The following ATRNL1 variants were observed in gnomAD, a reference collection of about 807,000 sequenced individuals.
ATRNL1 encodes the protein attractin like 1.
A neutral mutation model predicts 182.7 loss-of-function variants in ATRNL1; 95 were observed. The observed-to-expected ratio is 0.52, with a 90% CI of 0.44 to 0.62. The LOEUF (loss-of-function observed/expected upper bound fraction) is 0.62. Among genes scored for constraint, ATRNL1 ranks in the 20% least tolerant of loss-of-function variants. The probability of loss-of-function intolerance (pLI) is 0.00; values close to 1 mark genes in which losing one functional copy is unlikely to be tolerated. For missense variants in ATRNL1, 1,471 were observed against 1,679.5 expected (o/e 0.88, Z 2.17); for synonymous variants, 576 against 568.3 (o/e 1.01, Z -0.19).
chr10:115,834,036 C>A (rs561657154), intron 27 of ATRNL1, among the ~76,000 whole-genome samples: 1 of 139,516 alleles, frequency 7.2e-6, no homozygotes, highest in South Asian at 2.1e-4. Flanking sequence ...CACTTCACTG[C>A]TATACCTCAA....
At chr10:115,865,235 T>C (rs968085179) in intron 28 of ATRNL1, among the ~76,000 whole-genome samples, 3 of 152,198 alleles carry the variant, frequency 2.0e-5, no homozygotes, top group Non-Finnish European at 4.4e-5. Flanking sequence ...AGTATATTAA[T>C]GTTGATTTTC....
chr10:115,093,688 C>A lies in ATRNL1; in HGVS notation c.-63C>A. The A allele has an allele frequency of 7.0e-7, 1 of 1,430,202 alleles. No homozygotes were observed. The highest frequency in any genetic ancestry group is 1.4e-5 in the South Asian group (1 of 73,452). 88.6% of individuals were successfully genotyped at this position (1,430,202 alleles called of 1,614,324 possible). A position where few individuals can be genotyped will look rare whatever the true frequency, so the allele number is the denominator to read the frequency against. On this transcript the variant is annotated 5_prime_UTR_variant, in exon 1 of 29. Coordinates refer to ENST00000355044, the MANE Select transcript of ATRNL1 (RefSeq NM_207303.4). The surrounding 1 kb of genome is among the most constrained non-coding windows in gnomAD (Gnocchi z 6.1). Reference sequence around the variant, plus strand: ...AGAGGTTTTCTGCGGCCGGAATTCCCTTCAACAGCATCCCTGTCGGCGCCC... The same window carrying A: ...AGAGGTTTTCTGCGGCCGGAATTCCATTCAACAGCATCCCTGTCGGCGCCC...
intron 27 of ATRNL1, among the ~76,000 whole-genome samples, chr10:115,802,021 A>AAACACACACACACACACACACACAC (rs782795188): frequency 1.6e-5 from 2 of 125,964 alleles, no homozygotes; most frequent in Non-Finnish European, 3.3e-5. Flanking sequence ...AAAAAAAAGA[A>AAACACACACACACACACACACACAC]ACACACACAC....
Position 115,301,930 on chromosome 10 carries a change from A to G in ATRNL1, c.2705A>G (p.Asn902Ser). Residue 902 changes from asparagine (N) to serine (S), a missense_variant, in exon 17 of 29, where the codon AAT becomes AGT. Transcript: ENST00000355044. ...ACATCATGTTCCAACTGTACAAGCA[A>G]TGGCATGGAGTGTATGTGGTGCAGC... is the stretch of plus-strand genomic sequence containing the variant. ...LRTSCSNCTS[N>S]GMECMWCSST... The G allele has an allele frequency of 6.2e-7, 1 of 1,614,080 alleles. No homozygotes were observed. Among genetic ancestry groups the G allele is most frequent in the Non-Finnish European group, 8.5e-7 (1 of 1,179,932 alleles).
chr10:115,405,613 A>G (rs1434209761), intron 20 of ATRNL1, among the ~76,000 whole-genome samples: 1 of 152,174 alleles, frequency 6.6e-6, no homozygotes, highest in Non-Finnish European at 1.5e-5. Context: ...GCATTCAGAT[A>G]GCTGTAATGT....
At chr10:115,177,269 A>G (rs1847549954) in intron 8 of ATRNL1, among the ~76,000 whole-genome samples, 1 of 152,036 alleles carries the variant, frequency 6.6e-6, no homozygotes, top group Non-Finnish European at 1.5e-5. Context: ...ATGGGGTGAA[A>G]GTCTCACAAT....
At chr10:115,171,421 T>C in intron 8 of ATRNL1, 129 bp downstream of exon 8, 1 of 801,128 alleles carries the variant, frequency 1.2e-6, no homozygotes, top group Non-Finnish European at 1.8e-6. Context: ...TAATTAATAA[T>C]TTTTAATATA....
At chr10:115,455,972 A>G (rs1284051715) in intron 21 of ATRNL1, among the ~76,000 whole-genome samples, 1 of 152,206 alleles carries the variant, frequency 6.6e-6, no homozygotes, top group Non-Finnish European at 1.5e-5. Context: ...GATCATTAAA[A>G]AGTCAGGAAA....
intron 19 of ATRNL1, among the ~76,000 whole-genome samples, chr10:115,393,300 C>T (rs139879506): frequency 3.3e-5 from 5 of 152,062 alleles, no homozygotes; most frequent in African/African-American, 4.8e-5. Context: ...TATACAGTAT[C>T]TATTTTCTTT....
chr10:115,109,003 A>G (rs1424125113), intron 1 of ATRNL1, among the ~76,000 whole-genome samples: 2 of 152,156 alleles, frequency 1.3e-5, no homozygotes, highest in African/African-American at 2.4e-5. Flanking sequence ...AGATCTCCTC[A>G]GAGTTCCCTT....
chr10:115,327,755 A>G (rs1854985183), intron 18 of ATRNL1, among the ~76,000 whole-genome samples: 1 of 152,016 alleles, frequency 6.6e-6, no homozygotes, highest in South Asian at 2.1e-4. Context: ...CTATGCAGCC[A>G]TAAAAAATGA....
intron 27 of ATRNL1, among the ~76,000 whole-genome samples, chr10:115,775,199 A>G (rs1390103905): frequency 1.3e-5 from 2 of 152,318 alleles, no homozygotes; most frequent in South Asian, 4.1e-4. Flanking sequence ...CTTCTAAAAC[A>G]TATAGCTTTA....
intron 17 of ATRNL1, among the ~76,000 whole-genome samples, chr10:115,308,350 T>C (rs1055468278): frequency 3.4e-4 from 52 of 152,112 alleles, no homozygotes; most frequent in African/African-American, 1.2e-3. Flanking sequence ...GGAGATTTAG[T>C]CCCAAATGTA....
chr10:115,707,667 A>G (rs959149765), intron 26 of ATRNL1, among the ~76,000 whole-genome samples: 1 of 151,660 alleles, frequency 6.6e-6, no homozygotes, highest in African/African-American at 2.4e-5. Flanking sequence ...ACATTTTCCA[A>G]TGTTATTAAG....
At chr10:115,137,625 G>T (rs1280286941) in intron 5 of ATRNL1, among the ~76,000 whole-genome samples, 2 of 152,170 alleles carry the variant, frequency 1.3e-5, no homozygotes, top group Admixed American at 1.3e-4. Flanking sequence ...AAAACCATCA[G>T]ATCTTGTGAG....
chr10:115,258,056 C>G (rs1455632945), intron 10 of ATRNL1, among the ~76,000 whole-genome samples: 2 of 152,158 alleles, frequency 1.3e-5, no homozygotes, highest in Non-Finnish European at 2.9e-5. Context: ...TCCATCATCT[C>G]AACCTTGGTG....
intron 28 of ATRNL1, among the ~76,000 whole-genome samples, chr10:115,856,225 C>T (rs1951176977): frequency 6.6e-6 from 1 of 151,776 alleles, no homozygotes; most frequent in Non-Finnish European, 1.5e-5. Flanking sequence ...GGTCAGAATT[C>T]AGGACTAGCC....
intron 28 of ATRNL1, among the ~76,000 whole-genome samples, chr10:115,938,087 A>G (rs1443611150): frequency 6.6e-6 from 1 of 152,240 alleles, no homozygotes; most frequent in Admixed American, 6.5e-5. Context: ...GTTCAAATGT[A>G]AAATGGAAGT....
chr10:115,666,273 G>C (rs1054682182), intron 26 of ATRNL1, among the ~76,000 whole-genome samples: 6 of 152,108 alleles, frequency 3.9e-5, no homozygotes, highest in Admixed American at 3.9e-4. Flanking sequence ...AATATTGGCT[G>C]TTATGATTAA....
Sources: allele counts gnomAD v4.1 joint callset (sites outside exome capture counted in the v4.1 genomes callset), GRCh38; gene constraint gnomAD v4.1.1; non-coding constraint Gnocchi (gnomAD v3.1); transcripts MANE v1.5; gene names NCBI Gene and HGNC (gene_info 2026-07-23, HGNC 2026-07-21).